MCPH1: variants seen among roughly 807,000 people sequenced by gnomAD.
The protein encoded by MCPH1 is microcephalin.
MCPH1 carries 104 observed loss-of-function variants against 84.5 expected under a neutral mutation model. The ratio of observed to expected loss-of-function variants is 1.23; its 90% CI spans 1.05 to 1.45. The LOEUF (loss-of-function observed/expected upper bound fraction) is 1.45. MCPH1 is among the 40% of genes most tolerant of loss of function. The pLI, the probability that MCPH1 is intolerant of heterozygous loss-of-function variation, is 0.00. For synonymous variants in MCPH1, 514 were observed against 366.8 expected (o/e 1.40, Z -4.58); for missense variants, 1,498 against 1,005.7 (o/e 1.49, Z -6.62).
chr8:6,579,409 C>G (rs770322932), intron 12 of MCPH1, among the ~76,000 whole-genome samples: 1 of 152,200 alleles, frequency 6.6e-6, no homozygotes, highest in Non-Finnish European at 1.5e-5. Flanking sequence ...CTCGGTCTCA[C>G]TTTTAGATAC....
chr8:6,562,998 G>A (rs1260235459), intron 12 of MCPH1: 29 of 1,511,570 alleles, frequency 1.9e-5, no homozygotes, highest in Middle Eastern at 4.0e-4. Context: ...CCAGAGTCCC[G>A]AGCTGCTGCC....
intron 12 of MCPH1, among the ~76,000 whole-genome samples, chr8:6,594,072 T>G (rs530689009): frequency 9.8e-5 from 15 of 152,314 alleles, no homozygotes; most frequent in African/African-American, 3.6e-4. Context: ...TCATTGGTGT[T>G]TTGACAGCTG....
chr8:6,562,820 C>A, intron 12 of MCPH1: 1 of 1,613,930 alleles, frequency 6.2e-7, no homozygotes, highest in Non-Finnish European at 8.5e-7. Flanking sequence ...CTGCAGGACC[C>A]ATGCTGGACC....
At position 6,421,326 on chromosome 8, in the gene MCPH1, A is replaced by G. The variant is rs114602271; in HGVS notation, c.233+6443A>G. Among the ~76,000 whole-genome samples the G allele has an allele frequency of 3.2e-3, 483 of 152,150 alleles. 4 individuals are homozygous for G. Among genetic ancestry groups the G allele is most frequent in the African/African-American group, 0.011 (460 of 41,486 alleles). On this transcript the variant is annotated intron_variant, in intron 3 of 13. Transcript: ENST00000344683. ...GCAATGTGATAATTGTTGAGCTATC[A>G]CCCAACATTCCTAGTGGGTGGTAGA...
intron 12 of MCPH1, among the ~76,000 whole-genome samples, chr8:6,596,611 G>C (rs887795290): frequency 1.3e-5 from 2 of 152,050 alleles, no homozygotes; most frequent in African/African-American, 4.8e-5. Context: ...GTGAGTATGA[G>C]GGCATGATGA....
chr8:6,423,751 T>C (rs1488165404), intron 3 of MCPH1, among the ~76,000 whole-genome samples: 2 of 152,234 alleles, frequency 1.3e-5, no homozygotes, highest in Non-Finnish European at 2.9e-5. Context: ...TATTTAAATA[T>C]GATAGATGCT....
At chr8:6,520,840 G>C (rs1817189887) in intron 12 of MCPH1, among the ~76,000 whole-genome samples, 1 of 152,106 alleles carries the variant, frequency 6.6e-6, no homozygotes, top group Non-Finnish European at 1.5e-5. Context: ...CCATCCCATG[G>C]GTCTGATATT....
intron 12 of MCPH1, among the ~76,000 whole-genome samples, chr8:6,527,987 C>A (rs1352680268): frequency 6.7e-6 from 1 of 150,008 alleles, no homozygotes; most frequent in East Asian, 2.0e-4. Context: ...CCTCCGCCTC[C>A]CGGGTTCAAG....
intron 3 of MCPH1, among the ~76,000 whole-genome samples, chr8:6,418,818 G>C (rs923881779): frequency 2.4e-4 from 36 of 152,278 alleles, no homozygotes; most frequent in African/African-American, 7.2e-4. Flanking sequence ...CTGACCTCGT[G>C]ATCTGCCTGC....
intron 12 of MCPH1, among the ~76,000 whole-genome samples, chr8:6,504,508 C>G (rs1261595616): frequency 3.9e-5 from 6 of 152,006 alleles, no homozygotes; most frequent in Non-Finnish European, 2.9e-5. Flanking sequence ...GATCGATTGT[C>G]ACAGTATCGC....
intron 11 of MCPH1, among the ~76,000 whole-genome samples, chr8:6,492,106 G>C (rs968825773): frequency 2.6e-5 from 4 of 152,320 alleles, no homozygotes; most frequent in Admixed American, 2.0e-4. Context: ...ATGTAAAAGT[G>C]TTCCTATTTC....
chr8:6,494,917 A>G (rs1811073926), intron 11 of MCPH1, among the ~76,000 whole-genome samples: 1 of 152,220 alleles, frequency 6.6e-6, no homozygotes. Context: ...CCTCACTTAA[A>G]AAAAGTCATA....
intron 11 of MCPH1, among the ~76,000 whole-genome samples, chr8:6,495,134 G>T (rs896458874): frequency 2.0e-5 from 3 of 152,082 alleles, no homozygotes; most frequent in African/African-American, 7.2e-5. Flanking sequence ...TTTATTTTCT[G>T]GCTTGAAAAT....
intron 12 of MCPH1, among the ~76,000 whole-genome samples, chr8:6,523,520 G>A (rs553609021): frequency 3.9e-5 from 6 of 152,164 alleles, no homozygotes; most frequent in Non-Finnish European, 7.4e-5. Flanking sequence ...ATGTATTTGA[G>A]AATGTTAACT....
At chr8:6,550,156 G>T (rs377582513) in intron 12 of MCPH1, among the ~76,000 whole-genome samples, 1 of 152,266 alleles carries the variant, frequency 6.6e-6, no homozygotes, top group African/African-American at 2.4e-5. Context: ...TCCCTTCCCC[G>T]CACAACCTGG....
intron 11 of MCPH1, among the ~76,000 whole-genome samples, chr8:6,488,447 T>C (rs1810189389): frequency 6.6e-6 from 1 of 152,244 alleles, no homozygotes; most frequent in Non-Finnish European, 1.5e-5. Flanking sequence ...AAAGTGATTT[T>C]TTTAGTGGGA....
chr8:6,468,575 G>A (rs944699321), intron 9 of MCPH1, among the ~76,000 whole-genome samples: 7 of 152,016 alleles, frequency 4.6e-5, no homozygotes, highest in Non-Finnish European at 8.8e-5. Context: ...CTTTTTAATT[G>A]AGGTGGTGCA....
chr8:6,464,552 C>T (rs1478251811), intron 9 of MCPH1, among the ~76,000 whole-genome samples: 5 of 152,170 alleles, frequency 3.3e-5, no homozygotes, highest in South Asian at 4.1e-4. Context: ...TTGGACTGGA[C>T]GTGGTAGAAA....
At chr8:6,514,061 A>G (rs1226025152) in intron 12 of MCPH1, among the ~76,000 whole-genome samples, 1 of 152,194 alleles carries the variant, frequency 6.6e-6, no homozygotes, top group Non-Finnish European at 1.5e-5. Context: ...GTATTAGGAT[A>G]ATGAGAACTA....
Sources: allele counts gnomAD v4.1 joint callset (sites outside exome capture counted in the v4.1 genomes callset), GRCh38; gene constraint gnomAD v4.1.1; transcripts MANE v1.5; gene names NCBI Gene and HGNC (gene_info 2026-07-23, HGNC 2026-07-21).